Variants in HIP1 observed in about 807,000 individuals in gnomAD.
HIP1 encodes huntingtin-interacting protein 1.
HIP1 carries 65 observed loss-of-function variants against 147.6 expected under a neutral mutation model. The ratio of observed to expected loss-of-function variants is 0.44; its 90% CI spans 0.36 to 0.54. The LOEUF (loss-of-function observed/expected upper bound fraction) is 0.54. Among genes scored for constraint, HIP1 ranks in the 20% least tolerant of loss-of-function variants. The pLI is 0.00. For synonymous variants in HIP1, 479 were observed against 504.0 expected, an observed-to-expected ratio of 0.95 and a Z score of 0.67; for missense variants, 1,061 against 1,299.6, an observed-to-expected ratio of 0.82 and a Z score of 2.82.
intron 1 of HIP1, among the ~76,000 whole-genome samples, chr7:75,706,502 A>ATTTTTTTT (rs1801004593): frequency 1.9e-5 from 2 of 108,074 alleles, no homozygotes; most frequent in African/African-American, 3.8e-5. Context: ...TTATTTTTTT[A>ATTTTTTTT]TTTTTTATTT....
In HIP1 at chr7:75,709,109, C is replaced by CTTT. The variant is rs55720152; in HGVS notation, c.120+29689_120+29691dup. Among the ~76,000 whole-genome samples the CTTT allele has an allele frequency of 1.7e-3, 227 of 131,428 alleles. 2 individuals carry two copies. The highest frequency in any genetic ancestry group is 5.7e-3 in the African/African-American group (200 of 34,922). The allele number at this position is 131,428 out of a possible 152,430, so 86.2% of individuals were successfully genotyped here. A position where few individuals can be genotyped will look rare whatever the true frequency, so the allele number is the denominator to read the frequency against. On this transcript the variant is annotated intron_variant, in intron 1 of 30. Transcript: ENST00000336926. ...AGTATTTTCTTCTTCTTTTTCTTTT[C>CTTT]TTTTTTTTTTTTTTTTACTTTTTTT...
chr7:75,611,195 G>A (rs113210137), intron 1 of HIP1, among the ~76,000 whole-genome samples: 84 of 151,764 alleles, frequency 5.5e-4, no homozygotes, highest in African/African-American at 1.9e-3. Flanking sequence ...CGCCAGGTGC[G>A]GTGGCTCATA....
At chr7:75,624,270 T>G (rs1797954899) in intron 1 of HIP1, among the ~76,000 whole-genome samples, 1 of 152,130 alleles carries the variant, frequency 6.6e-6, no homozygotes, top group South Asian at 2.1e-4. Context: ...GATTTGCTAA[T>G]CAGTTTTCTA....
rs184131030 is a variant in HIP1, at chr7:75,700,977, C to T, written c.120+37824G>A. On this transcript the variant is annotated intron_variant, in intron 1 of 30. Transcript: ENST00000336926. ...GTCTCGGCCTCCTAAAGTGCTGGGA[C>T]TACAGGCGTGAGCCACCACACCCGG... Among the ~76,000 whole-genome samples, 277 of 152,238 alleles carry T rather than the reference C, an allele frequency of 1.8e-3. 1 individual carries two copies. Among genetic ancestry groups the T allele is most frequent in the African/African-American group, 5.9e-3 (247 of 41,556 alleles).
At chr7:75,651,460 CAAAAAAAAA>C (rs1168846001) in intron 1 of HIP1, among the ~76,000 whole-genome samples, 7,699 of 44,070 alleles carry the variant, frequency 0.17, 455 homozygotes, top group Middle Eastern at 0.22. Context: ...CTCCATATCT[CAAAAAAAAA>C]AAAAAAAAAA....
In HIP1 at chr7:75,632,061, G is replaced by A. The variant is rs587604982; in HGVS notation, c.121-32814C>T. Among the ~76,000 whole-genome samples, 132 of 152,294 alleles carry A rather than the reference G, an allele frequency of 8.7e-4. 1 individual carries two copies. The highest frequency in any genetic ancestry group is 3.1e-3 in the African/African-American group (129 of 41,562). On this transcript the variant is annotated intron_variant, in intron 1 of 30. Coordinates refer to ENST00000336926, the MANE Select transcript of HIP1 (RefSeq NM_005338.7). ...GAGGGGCCTCCGAAGACAGGTGCTC[G>A]TAGGACACTAAATCCTGCTTCACAA...
chr7:75,557,856 C>G, intron 15 of HIP1, 86 bp from the exon 16 acceptor site: 1 of 1,015,676 alleles, frequency 9.8e-7, no homozygotes, highest in South Asian at 1.3e-5. Flanking sequence ...TCAGGCTGTG[C>G]GTGCCCTAGA....
chr7:75,676,320 A>C (rs1799885189), intron 1 of HIP1, among the ~76,000 whole-genome samples: 1 of 152,162 alleles, frequency 6.6e-6, no homozygotes, highest in South Asian at 2.1e-4. Context: ...ACACCTAGCC[A>C]GGCAGTTTCT....
chr7:75,623,153 G>GA (rs1797910533), intron 1 of HIP1, among the ~76,000 whole-genome samples: 2 of 144,124 alleles, frequency 1.4e-5, no homozygotes, highest in Non-Finnish European at 3.0e-5. Flanking sequence ...AGCTGAGATT[G>GA]TGCCTCTGCA....
At chr7:75,661,642 AG>A (rs1179760142) in intron 1 of HIP1, among the ~76,000 whole-genome samples, 1 of 151,004 alleles carries the variant, frequency 6.6e-6, no homozygotes, top group Non-Finnish European at 1.5e-5. Context: ...CCCTGAAAGA[AG>A]GGGGAGTGGG....
At chr7:75,720,883 A>G (rs1801478915) in intron 1 of HIP1, among the ~76,000 whole-genome samples, 1 of 152,006 alleles carries the variant, frequency 6.6e-6, no homozygotes. Context: ...TACTAAAAAT[A>G]CAAAATTAGC....
chr7:75,623,976 C>G (rs143536172), intron 1 of HIP1, among the ~76,000 whole-genome samples: 1 of 152,054 alleles, frequency 6.6e-6, no homozygotes, highest in Non-Finnish European at 1.5e-5. Flanking sequence ...GCAGGAGGAT[C>G]GCTTGAGGGC....
chr7:75,582,932 G>A (rs867144), intron 5 of HIP1, among the ~76,000 whole-genome samples: 3,542 of 152,172 alleles, frequency 0.023, 65 homozygotes, highest in African/African-American at 0.042. Context: ...AGTCATACAC[G>A]CTGAGATTAC....
chr7:75,656,376 G>T (rs797027701), intron 1 of HIP1, among the ~76,000 whole-genome samples: 8 of 149,604 alleles, frequency 5.3e-5, no homozygotes, highest in African/African-American at 2.0e-4. Context: ...CACTCTGGGG[G>T]AGAAACATCC....
At chr7:75,539,292 G>A (rs1554489382) in intron 30 of HIP1, 31 bp downstream of exon 30, 11 of 1,506,728 alleles carry the variant, frequency 7.3e-6, no homozygotes, top group East Asian at 4.5e-5. Context: ...TCCCTGCTGC[G>A]GGTTAGTGCC....
At chr7:75,582,683 G>A (rs1260143426) in intron 5 of HIP1, among the ~76,000 whole-genome samples, 1 of 152,130 alleles carries the variant, frequency 6.6e-6, no homozygotes, top group Non-Finnish European at 1.5e-5. Flanking sequence ...GGTGGTGCAC[G>A]CCTGTAGTCC....
rs1472513662 is a variant in HIP1, at chr7:75,537,252, G to A, written c.*920C>T. On this transcript the variant is annotated 3_prime_UTR_variant, in exon 31 of 31. Coordinates refer to ENST00000336926, the MANE Select transcript of HIP1 (RefSeq NM_005338.7). ...CTGTTGTCTTCTCCCTTGTAAAGGC[G>A]GACAGAGGCTTTCCGCCGGGATTCA... 2.6e-5 allele frequency: 6 copies of A among 232,894 alleles called. No homozygotes were observed. The highest frequency in any genetic ancestry group is 1.3e-3 in the Middle Eastern group (1 of 784). The allele number at this position is 232,894 out of a possible 1,614,324, so 14.4% of individuals were successfully genotyped here.
chr7:75,666,820 A>G (rs984977767), intron 1 of HIP1, among the ~76,000 whole-genome samples: 2 of 152,198 alleles, frequency 1.3e-5, no homozygotes, highest in Non-Finnish European at 1.5e-5. Context: ...AATAATTTAC[A>G]AGGGCACACA....
chr7:75,685,537 C>T (rs1292335228), intron 1 of HIP1, among the ~76,000 whole-genome samples: 3 of 152,176 alleles, frequency 2.0e-5, no homozygotes, highest in African/African-American at 7.2e-5. Flanking sequence ...TATTCTGATT[C>T]CCAATTCTTT....
Sources: gnomAD v4.1 joint callset for allele counts (sites outside exome capture counted in the v4.1 genomes callset) on GRCh38, gnomAD v4.1.1 for gene constraint, MANE v1.5 for transcripts, NCBI Gene and HGNC (gene_info 2026-07-23, HGNC 2026-07-21) for gene names.